The following PHKA1 variants were observed in gnomAD, a reference collection of about 807,000 sequenced individuals.
PHKA1 encodes phosphorylase b kinase regulatory subunit alpha, skeletal muscle isoform.
In PHKA1, 60 loss-of-function variants were observed where a neutral mutation model predicts 110.2. The observed-to-expected ratio is 0.54, with a 90% CI of 0.44 to 0.68. The LOEUF is 0.68. Among genes scored for constraint, PHKA1 ranks in the 30% least tolerant of loss-of-function variants. PHKA1 has a pLI of 0.00. For synonymous variants in PHKA1, 316 were observed against 333.6 expected (o/e 0.95, Z 0.58); for missense variants, 801 against 942.5 (o/e 0.85, Z 1.97).
chrX:72,622,974 G>T, intron 18 of PHKA1, 135 bp downstream of exon 18: 1 of 1,120,412 alleles, frequency 8.9e-7, no homozygotes, highest in Middle Eastern at 2.9e-4. Context: ...GAAAAGTAAA[G>T]CCAAACAAAA....
At position 72,582,416 on chromosome X, in the gene PHKA1, G is replaced by A. The variant is rs2052350476; in HGVS notation, c.3480C>T (p.Asp1160=). 1.7e-6 allele frequency: 2 copies of A among 1,198,660 alleles called. No individual in the cohort carries two copies. The highest frequency in any genetic ancestry group is 4.3e-5 in the Admixed American group (2 of 46,012). ...TGCCTACCTGTTCTTGAAGGAACAA[G>A]TCATTGGCAATATGCACTATTTTTT... ...AVEKIVHIAN[D]LFLQEQKTLG... is the part of the protein sequence containing the mutation. Residue 1160 remains aspartate, a synonymous_variant, in exon 31 of 32, where the codon GAC becomes GAT. Coordinates refer to ENST00000373542, the MANE Select transcript of PHKA1 (RefSeq NM_002637.4).
intron 2 of PHKA1, chrX:72,707,844 T>C: frequency 9.0e-6 from 1 of 111,440 alleles, no homozygotes; most frequent in Non-Finnish European, 1.9e-5. Flanking sequence ...TAACATCTAT[T>C]ATAGGGCCTG....
rs2053415233 is a variant in PHKA1, at chrX:72,650,406, G to A, written c.1308C>T (p.Pro436=). 8.3e-6 allele frequency: 10 copies of A among 1,208,476 alleles called. No homozygotes were observed. Among genetic ancestry groups the A allele is most frequent in the Non-Finnish European group, 1.1e-5 (10 of 892,980 alleles). The stretch of plus-strand genomic sequence containing the variant: ...AATACATACCTTGAACCACAACATC[G>A]GGCTTCGGTACAGTAGAAAACCTGC... ...LNRRFSTVPK[P]DVVVQVSILA... is the part of the protein sequence containing the mutation. Residue 436 remains proline, a synonymous_variant, in exon 13 of 32, where the codon CCC becomes CCT. Coordinates refer to ENST00000373542, the MANE Select transcript of PHKA1 (RefSeq NM_002637.4).
At chrX:72,669,940 C>T (rs1259020490) in intron 6 of PHKA1, among the ~76,000 whole-genome samples, 8 of 110,603 alleles carry the variant, frequency 7.2e-5, no homozygotes, top group African/African-American at 2.6e-4. Context: ...GTTCTAGATC[C>T]CTGAGGAATC....
At chrX:72,631,525 T>G (rs1556288065) in intron 16 of PHKA1, among the ~76,000 whole-genome samples, 3 of 111,714 alleles carry the variant, frequency 2.7e-5, no homozygotes, top group Admixed American at 9.5e-5. Flanking sequence ...AAAAGTTTTC[T>G]GTCTCTCTAG....
intron 4 of PHKA1, among the ~76,000 whole-genome samples, chrX:72,687,692 A>G (rs1382069754): frequency 9.0e-6 from 1 of 111,564 alleles, no homozygotes; most frequent in Admixed American, 9.6e-5. Context: ...AAACTTTAAA[A>G]AAAACTTCTT....
rs371007929 is a variant in PHKA1 at position 72,675,291 on chromosome X, C to G, written c.618+779G>C. Among the ~76,000 whole-genome samples, 5 of 110,537 alleles carry G rather than the reference C, an allele frequency of 4.5e-5. 1 individual carries two copies. The East Asian group carries it at 1.4e-3, about 31-fold the overall frequency. On this transcript the variant is annotated intron_variant, in intron 6 of 31. Transcript: ENST00000373542. ...ATTCTATTGTGACTCCCTTTGTCCTCTCTGTTCCATGCAATATTTTTTACT... is the reference window on the plus strand; with the variant it reads ...ATTCTATTGTGACTCCCTTTGTCCTGTCTGTTCCATGCAATATTTTTTACT...
At chrX:72,688,609 A>G (rs1556319785) in intron 4 of PHKA1, among the ~76,000 whole-genome samples, 2 of 112,303 alleles carry the variant, frequency 1.8e-5, no homozygotes, top group Non-Finnish European at 3.8e-5. Context: ...TTCAAGGCTC[A>G]GCTCAAATGC....
chrX:72,581,183 G>GT lies in PHKA1; in HGVS notation c.3499-9dup. On this transcript the variant is annotated splice_polypyrimidine_tract_variant and intron_variant, in intron 31 of 31. Coordinates refer to ENST00000373542, the MANE Select transcript of PHKA1 (RefSeq NM_002637.4). ...ATCTGCGCCAAGGGTTTTCTGTTTG[G>GT]TTTTTAAGGGTAGAAGAACATAGGG... The GT allele has an allele frequency of 8.8e-7, 1 of 1,136,141 alleles. No individual in the cohort carries two copies. The highest frequency in any genetic ancestry group is 1.8e-5 in the South Asian group (1 of 55,238). The allele number at this position is 1,136,141 out of a possible 1,213,427, so 93.6% of individuals were successfully genotyped here. A position where few individuals can be genotyped will look rare whatever the true frequency, so the allele number is the denominator to read the frequency against.
intron 4 of PHKA1, among the ~76,000 whole-genome samples, chrX:72,694,070 T>C (rs1271345452): frequency 2.7e-5 from 3 of 112,213 alleles, no homozygotes; most frequent in African/African-American, 9.7e-5. Context: ...GCCCCCATTC[T>C]GTAAGTTGCA....
At chrX:72,680,697 C>T (rs1295998388) in intron 5 of PHKA1, among the ~76,000 whole-genome samples, 1 of 104,716 alleles carries the variant, frequency 9.5e-6, no homozygotes, top group Admixed American at 9.9e-5. Context: ...CTGACGCCCG[C>T]GGGCCCCAGC....
chrX:72,625,910 C>T (rs1556282548), intron 17 of PHKA1, among the ~76,000 whole-genome samples: 1 of 111,233 alleles, frequency 9.0e-6, no homozygotes, highest in African/African-American at 3.3e-5. Flanking sequence ...AAGTGATCTG[C>T]CCCCCTTGGC....
rs2053496134 is a variant in PHKA1, at chrX:72,656,236, T to C, written c.925A>G (p.Asn309Asp). Reference sequence around the variant, plus strand: ...TCAGCTGGTTCATAGTACAGACGATTGGGATCCTAGTAAAAACACAATAAA... The same window carrying C: ...TCAGCTGGTTCATAGTACAGACGATCGGGATCCTAGTAAAAACACAATAAA... ...DGYKTPKEDP[N>D]RLYYEPAELK... Residue 309 changes from asparagine to aspartate, a missense_variant, in exon 10 of 32, where the codon AAT (asparagine) becomes GAT (aspartate). Physicochemically the swap from Asn to Asp is conservative, Grantham distance 23. This residue lies in a region of PHKA1 where 299 missense variants were observed against 423.3 expected (regional missense o/e 0.71). Coordinates refer to ENST00000373542, the MANE Select transcript of PHKA1 (RefSeq NM_002637.4). 1 of 1,210,105 alleles carries C rather than the reference T, an allele frequency of 8.3e-7. No individual in the cohort carries two copies. Among genetic ancestry groups the C allele is most frequent in the Non-Finnish European group, 1.1e-6 (1 of 894,013 alleles).
rs1380683163 is a variant in PHKA1, at chrX:72,623,162, T to C, written c.1907A>G (p.Tyr636Cys). 2.5e-6 allele frequency: 3 copies of C among 1,208,878 alleles called. No homozygotes were observed. The highest frequency in any genetic ancestry group is 3.5e-5 in the African/African-American group (2 of 57,016). The stretch of plus-strand genomic sequence containing the variant: ...CCAGTTGCCAGATTCCAGGTAATCA[T>C]AGTTGTCATCATAATCTTCACTGTA... ...KLYSEDYDDNYDYLESGNWMN... is the reference protein window; with the variant it reads ...KLYSEDYDDNCDYLESGNWMN... The change falls in exon 18 of 32, where the codon TAT (tyrosine) becomes TGT (cysteine). Residue 636 changes from tyrosine to cysteine, a missense_variant. Physicochemically the swap from Tyr to Cys is radical, Grantham distance 194. Transcript: ENST00000373542.
chrX:72,687,355 A>G (rs1387502731), intron 4 of PHKA1, among the ~76,000 whole-genome samples: 1 of 112,027 alleles, frequency 8.9e-6, no homozygotes, highest in Non-Finnish European at 1.9e-5. Flanking sequence ...ATGCATTGTA[A>G]GTATATATTG....
Position 72,713,986 on chromosome X carries a change from G to A in PHKA1, c.-106C>T. On this transcript the variant is annotated 5_prime_UTR_variant, in exon 1 of 32. Coordinates refer to ENST00000373542, the MANE Select transcript of PHKA1 (RefSeq NM_002637.4). ...CGCTGCTCCACCCTCGTGGTGGGAC[G>A]CCTGAACACCAGGCCCCGCAGAGCC... 1.6e-6 allele frequency: 1 copy of A among 612,657 alleles called. No homozygotes were observed. The highest frequency in any genetic ancestry group is 2.7e-6 in the Non-Finnish European group (1 of 372,144). The allele number at this position is 612,657 out of a possible 1,213,427, so 50.5% of individuals were successfully genotyped here. A position where few individuals can be genotyped will look rare whatever the true frequency, so the allele number is the denominator to read the frequency against.
chrX:72,583,182 G>A (rs1374932427), intron 30 of PHKA1, among the ~76,000 whole-genome samples: 3 of 111,362 alleles, frequency 2.7e-5, no homozygotes, highest in Non-Finnish European at 3.8e-5. Context: ...TATCCTCTAG[G>A]GAGGCAATGT....
intron 13 of PHKA1, among the ~76,000 whole-genome samples, chrX:72,648,382 G>C (rs2053386686): frequency 9.0e-6 from 1 of 111,544 alleles, no homozygotes; most frequent in East Asian, 2.8e-4. Context: ...TGTCAGGCAT[G>C]AAGCAGCAGG....
At chrX:72,630,076 C>T (rs1345851208) in intron 16 of PHKA1, among the ~76,000 whole-genome samples, 1 of 111,135 alleles carries the variant, frequency 9.0e-6, no homozygotes, top group Non-Finnish European at 1.9e-5. Flanking sequence ...GGCGAAACCC[C>T]GTCTCTACTA....
Sources: gnomAD v4.1 joint callset for allele counts (sites outside exome capture counted in the v4.1 genomes callset) on GRCh38, gnomAD v4.1.1 for gene constraint, gnomAD v4.1.1 regional missense constraint, MANE v1.5 for transcripts, NCBI Gene and HGNC (gene_info 2026-07-23, HGNC 2026-07-21) for gene names.